CACNG3: variants seen among roughly 807,000 people sequenced by gnomAD.
CACNG3 encodes the protein voltage-dependent calcium channel gamma-3 subunit.
CACNG3 carries 3 observed loss-of-function variants against 28.5 expected under a neutral mutation model. The observed-to-expected ratio is 0.11, with a 90% CI of 0.05 to 0.27. The LOEUF is 0.27. CACNG3 is among the 10% of genes least tolerant of loss of function. The probability of loss-of-function intolerance (pLI) is 1.00; values close to 1 mark genes in which losing one functional copy is unlikely to be tolerated. For synonymous variants in CACNG3, 174 were observed against 162.2 expected (o/e 1.07, Z -0.55); for missense variants, 236 against 414.4 (o/e 0.57, Z 3.74).
chr16:24,259,054 GA>G (rs1220874921), intron 1 of CACNG3, among the ~76,000 whole-genome samples: 1 of 152,236 alleles, frequency 6.6e-6, no homozygotes, highest in Non-Finnish European at 1.5e-5. Context: ...CTTAGTGGGA[GA>G]AGTGAGAAAT....
chr16:24,340,843 G>A (rs28468392), intron 1 of CACNG3, among the ~76,000 whole-genome samples: 1 of 152,040 alleles, frequency 6.6e-6, no homozygotes, highest in Non-Finnish European at 1.5e-5. Context: ...CCTGTCCTCC[G>A]TCACCTGGGC....
chr16:24,306,974 C>A (rs931627804), intron 1 of CACNG3, among the ~76,000 whole-genome samples: 13 of 152,174 alleles, frequency 8.5e-5, no homozygotes, highest in African/African-American at 3.1e-4. Flanking sequence ...TTGAGTGCCG[C>A]TCCGGGTACT....
At chr16:24,337,024 G>A (rs1899721590) in intron 1 of CACNG3, among the ~76,000 whole-genome samples, 1 of 151,954 alleles carries the variant, frequency 6.6e-6, no homozygotes, top group Admixed American at 6.6e-5. Flanking sequence ...ATGTTGCTTA[G>A]GCTAGTCTTG....
chr16:24,289,452 A>T (rs1898937861), intron 1 of CACNG3, among the ~76,000 whole-genome samples: 1 of 152,224 alleles, frequency 6.6e-6, no homozygotes, highest in Non-Finnish European at 1.5e-5. Flanking sequence ...AAAACTTTCA[A>T]GTTGGCAGGA....
intron 1 of CACNG3, among the ~76,000 whole-genome samples, chr16:24,334,871 C>T (rs1299083629): frequency 6.6e-6 from 1 of 152,148 alleles, no homozygotes; most frequent in Non-Finnish European, 1.5e-5. Flanking sequence ...ATGCATGCAC[C>T]CACATGCACA....
chr16:24,328,826 A>G (rs2141372841), intron 1 of CACNG3, among the ~76,000 whole-genome samples: 1 of 152,234 alleles, frequency 6.6e-6, no homozygotes, highest in South Asian at 2.1e-4. Context: ...TCGTGTGCCC[A>G]TTTACATTCC....
intron 1 of CACNG3, among the ~76,000 whole-genome samples, chr16:24,330,915 A>C (rs1405331879): frequency 6.6e-6 from 1 of 152,018 alleles, no homozygotes; most frequent in Middle Eastern, 3.2e-3. Context: ...TAGTAATACT[A>C]AGCTGTTAAG....
In CACNG3 at chr16:24,328,471, A is replaced by G. The variant is rs149945505; in HGVS notation, c.212-18263A>G. On this transcript the variant is annotated intron_variant, in intron 1 of 3. Coordinates refer to ENST00000005284, the MANE Select transcript of CACNG3 (RefSeq NM_006539.4). The stretch of plus-strand genomic sequence containing the variant: ...TTGCCCAAGATACCTGCAGACATAT[A>G]CAAAGGACAGTCTGATGTTCAGGGC... Among the ~76,000 whole-genome samples, 30 of 151,216 alleles carry G rather than the reference A, an allele frequency of 2.0e-4. 1 individual carries two copies. The East Asian group carries it at 5.6e-3, about 28-fold the overall frequency.
chr16:24,296,836 C>G (rs968107785), intron 1 of CACNG3, among the ~76,000 whole-genome samples: 22 of 152,166 alleles, frequency 1.4e-4, no homozygotes, highest in African/African-American at 5.3e-4. Context: ...TATTTTGAGC[C>G]TGCCAGTTAT....
At chr16:24,298,561 C>G (rs1042199611) in intron 1 of CACNG3, among the ~76,000 whole-genome samples, 3 of 152,092 alleles carry the variant, frequency 2.0e-5, no homozygotes, top group African/African-American at 7.2e-5. Context: ...TATAAGAGTT[C>G]CTGCCCACAT....
intron 1 of CACNG3, among the ~76,000 whole-genome samples, chr16:24,340,161 C>T (rs938464391): frequency 1.1e-4 from 16 of 152,052 alleles, no homozygotes; most frequent in South Asian, 2.1e-4. Context: ...GTCCCAGCTA[C>T]ATGGGAGGCT....
intron 1 of CACNG3, among the ~76,000 whole-genome samples, chr16:24,341,186 C>G (rs147399910): frequency 2.0e-5 from 3 of 152,326 alleles, no homozygotes; most frequent in Non-Finnish European, 2.9e-5. Flanking sequence ...GGAAAAAAAG[C>G]CTGGAAGGAA....
intron 1 of CACNG3, among the ~76,000 whole-genome samples, chr16:24,279,298 T>G (rs569021487): frequency 2.6e-5 from 4 of 152,096 alleles, no homozygotes; most frequent in African/African-American, 9.7e-5. Flanking sequence ...AATAGTTTTA[T>G]TTTTATTTTT....
intron 1 of CACNG3, among the ~76,000 whole-genome samples, chr16:24,341,392 A>G (rs1329346900): frequency 6.6e-6 from 1 of 152,172 alleles, no homozygotes; most frequent in Non-Finnish European, 1.5e-5. Flanking sequence ...CCATGGCGCC[A>G]ATGTGTCTCT....
At chr16:24,352,853 T>C (rs1371873386) in intron 2 of CACNG3, among the ~76,000 whole-genome samples, 1 of 152,172 alleles carries the variant, frequency 6.6e-6, no homozygotes, top group Admixed American at 6.5e-5. Context: ...CCTGGATTCT[T>C]GTGGTTCTAC....
intron 1 of CACNG3, among the ~76,000 whole-genome samples, chr16:24,269,785 G>T (rs1459914999): frequency 7.9e-6 from 1 of 125,914 alleles, no homozygotes. Flanking sequence ...AAGAAAGAAA[G>T]AAAAAGAAAG....
chr16:24,319,095 T>A (rs1899423559), intron 1 of CACNG3, among the ~76,000 whole-genome samples: 1 of 152,234 alleles, frequency 6.6e-6, no homozygotes, highest in Admixed American at 6.5e-5. Flanking sequence ...GTTATAAAGT[T>A]TCCTTTGAAA....
chr16:24,361,531 C>G lies in CACNG3; in HGVS notation c.616C>G (p.Gln206Glu). The G allele has an allele frequency of 6.2e-7, 1 of 1,614,070 alleles. No homozygotes were observed. Among genetic ancestry groups the G allele is most frequent in the Non-Finnish European group, 8.5e-7 (1 of 1,179,972 alleles). Residue 206 changes from glutamine to glutamate, a missense_variant, in exon 4 of 4, where the codon CAG (glutamine) becomes GAG (glutamate). Coordinates refer to ENST00000005284, the MANE Select transcript of CACNG3 (RefSeq NM_006539.4). This position sits in a 1 kb window ranked among gnomAD's most constrained non-coding sequence, Gnocchi z 6.8. The stretch of plus-strand genomic sequence containing the variant: ...GCACATCTATATTGAAAAACATCAG[C>G]AGTTACGAGCCAAATCCCACTCGGA... ...AVHIYIEKHQ[Q>E]LRAKSHSEFL...
At chr16:24,266,309 C>T (rs907056446) in intron 1 of CACNG3, among the ~76,000 whole-genome samples, 5 of 152,112 alleles carry the variant, frequency 3.3e-5, no homozygotes, top group African/African-American at 1.2e-4. Context: ...AGTTTAGGTA[C>T]GAATACTGTG....
Sources: gnomAD v4.1 joint callset for allele counts (sites outside exome capture counted in the v4.1 genomes callset) on GRCh38, gnomAD v4.1.1 for gene constraint, Gnocchi (gnomAD v3.1) non-coding constraint, MANE v1.5 for transcripts, NCBI Gene and HGNC (gene_info 2026-07-23, HGNC 2026-07-21) for gene names.